Variants in STXBP6 observed in about 807,000 individuals in gnomAD.
The protein encoded by STXBP6 is syntaxin binding protein 6, also known as syntaxin-binding protein 6.
In STXBP6, 21 loss-of-function variants were observed where a neutral mutation model predicts 26.9. The ratio of observed to expected loss-of-function variants is 0.78; its 90% confidence interval spans 0.55 to 1.12. The LOEUF is 1.12. Among genes scored for constraint, STXBP6 ranks in the 50% most tolerant of loss-of-function variants. The pLI, the probability that STXBP6 is intolerant of heterozygous loss-of-function variation, is 0.00. For missense variants in STXBP6, 232 were observed against 257.9 expected (o/e 0.90, Z 0.69); for synonymous variants, 97 against 92.6 (o/e 1.05, Z -0.27).
intron 4 of STXBP6, among the ~76,000 whole-genome samples, chr14:24,851,958 A>C (rs1364522459): frequency 6.6e-6 from 1 of 152,166 alleles, no homozygotes; most frequent in Non-Finnish European, 1.5e-5. Flanking sequence ...AAAACACTTT[A>C]AGCCTTGAGA....
At chr14:25,020,941 C>G (rs2075251439) in intron 1 of STXBP6, among the ~76,000 whole-genome samples, 1 of 152,202 alleles carries the variant, frequency 6.6e-6, no homozygotes, top group Non-Finnish European at 1.5e-5. Context: ...AAGCCATACG[C>G]AGGCAGATTC....
intron 4 of STXBP6, among the ~76,000 whole-genome samples, chr14:24,847,506 G>A (rs1038502336): frequency 2.6e-5 from 4 of 152,026 alleles, no homozygotes; most frequent in African/African-American, 9.7e-5. Flanking sequence ...AAAATGGTTG[G>A]CAAATTTATG....
intron 2 of STXBP6, among the ~76,000 whole-genome samples, chr14:24,882,379 A>C (rs1259913564): frequency 7.0e-5 from 1 of 14,188 alleles, no homozygotes; most frequent in African/African-American, 1.9e-4. Flanking sequence ...ACTCCGTCTC[A>C]AAAAAAAAAA....
chr14:24,824,031 A>C (rs979710963), intron 4 of STXBP6, among the ~76,000 whole-genome samples: 27 of 152,328 alleles, frequency 1.8e-4, no homozygotes, highest in African/African-American at 5.8e-4. Flanking sequence ...TTAGTACCTA[A>C]GGTACAATTA....
chr14:24,938,999 T>C (rs1327103268), intron 2 of STXBP6, among the ~76,000 whole-genome samples: 1 of 152,048 alleles, frequency 6.6e-6, no homozygotes, highest in Non-Finnish European at 1.5e-5. Flanking sequence ...TGAAAAATAA[T>C]AATAATAATA....
At chr14:24,842,046 G>A (rs1260706635) in intron 4 of STXBP6, among the ~76,000 whole-genome samples, 3 of 152,010 alleles carry the variant, frequency 2.0e-5, no homozygotes, top group Non-Finnish European at 4.4e-5. Flanking sequence ...TCCTGTGCTG[G>A]TCCCTGGTAC....
intron 1 of STXBP6, among the ~76,000 whole-genome samples, chr14:25,009,908 C>G (rs181810197): frequency 1.9e-3 from 294 of 152,280 alleles, no homozygotes; most frequent in Non-Finnish European, 3.6e-3. Context: ...CAGGCTACCC[C>G]CAACTCTCCT....
chr14:25,034,310 T>C lies in STXBP6; in HGVS notation c.-33+15568A>G, dbSNP rs185287619. 3.6e-3 allele frequency among the ~76,000 whole-genome samples: 541 copies of C among 152,296 alleles called. 2 individuals are homozygous for C. Among genetic ancestry groups the C allele is most frequent in the Non-Finnish European group, 6.0e-3 (406 of 68,020 alleles). On this transcript the variant is annotated intron_variant, in intron 1 of 5. Transcript: ENST00000323944. ...CTTTCCATGATGTAGGTCATCATCCTTACATGAAGCTGAATATCTTTCCCC... is the reference window on the plus strand; with the variant it reads ...CTTTCCATGATGTAGGTCATCATCCCTACATGAAGCTGAATATCTTTCCCC...
intron 1 of STXBP6, among the ~76,000 whole-genome samples, chr14:25,019,158 T>C (rs1200093987): frequency 6.6e-6 from 1 of 152,196 alleles, no homozygotes; most frequent in Non-Finnish European, 1.5e-5. Context: ...AAGCAGGTAA[T>C]TCAGTTATAA....
At chr14:25,005,805 A>G (rs957064712) in intron 1 of STXBP6, among the ~76,000 whole-genome samples, 6 of 146,006 alleles carry the variant, frequency 4.1e-5, no homozygotes, top group Non-Finnish European at 7.5e-5. Context: ...TAGGGAAAAA[A>G]CTAAAAAAAA....
At chr14:24,860,179 C>T (rs1566419547) in intron 2 of STXBP6, among the ~76,000 whole-genome samples, 1 of 152,158 alleles carries the variant, frequency 6.6e-6, no homozygotes. Context: ...ACACTTTATA[C>T]AAACAAAATT....
At chr14:25,041,395 C>G (rs146052352) in intron 1 of STXBP6, among the ~76,000 whole-genome samples, 3 of 152,128 alleles carry the variant, frequency 2.0e-5, no homozygotes, top group Non-Finnish European at 2.9e-5. Flanking sequence ...AATCTTAAAA[C>G]AACTTGCTTC....
intron 1 of STXBP6, among the ~76,000 whole-genome samples, chr14:24,976,852 C>CT (rs71121808): frequency 0.19 from 8,712 of 45,106 alleles, 2,607 homozygotes; most frequent in Non-Finnish European, 0.26. Context: ...ACTGGGCGCT[C>CT]TTTTTTTTTT....
chr14:24,950,318 A>C (rs568083279), intron 2 of STXBP6, among the ~76,000 whole-genome samples: 1 of 152,158 alleles, frequency 6.6e-6, no homozygotes, highest in African/African-American at 2.4e-5. Context: ...CAACTTAGCA[A>C]TCATATTCCT....
chr14:24,880,529 C>A (rs751431017), intron 2 of STXBP6, among the ~76,000 whole-genome samples: 1 of 152,046 alleles, frequency 6.6e-6, no homozygotes. Context: ...GTAAAAGGAC[C>A]ACGTCTCTAG....
chr14:24,949,546 G>A (rs189704784), intron 2 of STXBP6, among the ~76,000 whole-genome samples: 127 of 152,220 alleles, frequency 8.3e-4, no homozygotes, highest in Non-Finnish European at 1.5e-3. Context: ...AGAGAGAGAC[G>A]CACGGAAGAT....
intron 2 of STXBP6, among the ~76,000 whole-genome samples, chr14:24,931,080 C>T (rs1472573526): frequency 4.7e-5 from 6 of 126,932 alleles, no homozygotes; most frequent in African/African-American, 9.2e-5. Flanking sequence ...CACTGCAGTC[C>T]GCAGTCCGGC....
chr14:24,909,265 C>A (rs12887754), intron 2 of STXBP6, among the ~76,000 whole-genome samples: 17,706 of 152,250 alleles, frequency 0.12, 1,083 homozygotes, highest in East Asian at 0.17. Flanking sequence ...ACCCCTTTCA[C>A]AGGGGCACTC....
intron 1 of STXBP6, among the ~76,000 whole-genome samples, chr14:24,998,941 C>A (rs2074677967): frequency 6.6e-6 from 1 of 152,098 alleles, no homozygotes; most frequent in South Asian, 2.1e-4. Context: ...ATGCCTTCAA[C>A]CTTAACTACG....
Sources: gnomAD v4.1 joint callset for allele counts (sites outside exome capture counted in the v4.1 genomes callset) on GRCh38, gnomAD v4.1.1 for gene constraint, MANE v1.5 for transcripts, NCBI Gene and HGNC (gene_info 2026-07-23, HGNC 2026-07-21) for gene names.